The following ABHD6 variants were observed in gnomAD, a reference collection of about 807,000 sequenced individuals.
ABHD6 encodes monoacylglycerol lipase ABHD6.
In ABHD6, 33 loss-of-function variants were observed where a neutral mutation model predicts 38.8. The observed-to-expected ratio is 0.85, with a 90% confidence interval of 0.64 to 1.14. ABHD6 has a LOEUF of 1.14. ABHD6 is among the 50% of genes most tolerant of loss of function. ABHD6 has a pLI of 0.00. For missense variants in ABHD6, 380 were observed against 422.6 expected, an observed-to-expected ratio of 0.90 and a Z score of 0.88; for synonymous variants, 147 against 161.6, an observed-to-expected ratio of 0.91 and a Z score of 0.69.
At position 58,257,139 on chromosome 3, in the gene ABHD6, C is replaced by T. The variant is rs902431685; in HGVS notation, c.119+434C>T. 1.3e-5 allele frequency among the ~76,000 whole-genome samples: 2 copies of T among 152,142 alleles called. No individual in the cohort carries two copies. Among genetic ancestry groups the T allele is most frequent in the African/African-American group, 4.8e-5 (2 of 41,436 alleles). On this transcript the variant is annotated intron_variant, in intron 3 of 9. Coordinates refer to ENST00000478253, the MANE Select transcript of ABHD6 (RefSeq NM_001320126.2). The surrounding 1 kb of genome is among the most constrained non-coding windows in gnomAD (Gnocchi z 4.8). ...GCCAGGCTGGTCTCCAACTCCTGGC[C>T]TCAAGTGATCTTCCCATCTTGCCTC...
At chr3:58,286,843 T>C (rs1490911181) in intron 9 of ABHD6, among the ~76,000 whole-genome samples, 2 of 100,654 alleles carry the variant, frequency 2.0e-5, no homozygotes, top group Admixed American at 1.0e-4. Context: ...TGTGTGTGTG[T>C]GTGTGTGTGT....
intron 9 of ABHD6, among the ~76,000 whole-genome samples, chr3:58,290,040 G>A (rs1473563444): frequency 1.5e-5 from 2 of 135,512 alleles, no homozygotes; most frequent in Non-Finnish European, 1.6e-5. Context: ...CGGGCGGGGG[G>A]CTGACATCCC....
At chr3:58,268,214 A>C (rs555712299) in intron 4 of ABHD6, among the ~76,000 whole-genome samples, 34 of 152,372 alleles carry the variant, frequency 2.2e-4, no homozygotes, top group African/African-American at 7.9e-4. Context: ...GGCTTCTGAC[A>C]CAGCTGCATC....
rs376865397 is a variant in ABHD6, at chr3:58,293,636, C to T, written c.885C>T (p.Asn295=). The T allele has an allele frequency of 6.8e-5, 109 of 1,614,092 alleles. No individual in the cohort carries two copies. Among genetic ancestry groups the T allele is most frequent in the Non-Finnish European group, 9.2e-5 (108 of 1,180,052 alleles). The stretch of plus-strand genomic sequence containing the variant: ...ACATGTTGGCCAAGTCAATTGCCAA[C>T]TGCCAGGTGGAGCTTCTGGAAAACT... ...GADMLAKSIA[N]CQVELLENCG... is the part of the protein sequence containing the mutation. The change falls in exon 10 of 10, where the codon AAC becomes AAT. Residue 295 remains asparagine (N), a synonymous_variant. Transcript: ENST00000478253. This position sits in a 1 kb window ranked among gnomAD's most constrained non-coding sequence, Gnocchi z 4.4.
At chr3:58,260,220 C>CTTT (rs2097436059) in intron 3 of ABHD6, among the ~76,000 whole-genome samples, 1 of 152,188 alleles carries the variant, frequency 6.6e-6, no homozygotes. Flanking sequence ...TTCAGAGCCT[C>CTTT]TTTAATTGGC....
At chr3:58,281,416 A>G (rs2097453149) in intron 7 of ABHD6, among the ~76,000 whole-genome samples, 2 of 152,074 alleles carry the variant, frequency 1.3e-5, no homozygotes, top group African/African-American at 4.8e-5. Context: ...CACGGGAGAG[A>G]ATCTTCTTGT....
Position 58,293,317 on chromosome 3 carries a change from C to T in ABHD6, c.838-272C>T, listed in dbSNP as rs1202821451. Among the ~76,000 whole-genome samples the T allele has an allele frequency of 1.3e-5, 2 of 152,208 alleles. No homozygotes were observed. The highest frequency in any genetic ancestry group is 2.9e-5 in the Non-Finnish European group (2 of 68,042). On this transcript the variant is annotated intron_variant, in intron 9 of 9. Coordinates refer to ENST00000478253, the MANE Select transcript of ABHD6 (RefSeq NM_001320126.2). This position sits in a 1 kb window ranked among gnomAD's most constrained non-coding sequence, Gnocchi z 4.4. Reference sequence around the variant, plus strand: ...TCTGACTTCCCCACCATACCATAACCTCCTCAAGGGCAAGGAACGTTTGTT... The same window carrying T: ...TCTGACTTCCCCACCATACCATAACTTCCTCAAGGGCAAGGAACGTTTGTT...
intron 1 of ABHD6, among the ~76,000 whole-genome samples, chr3:58,243,655 AAGC>A (rs2097424360): frequency 6.6e-6 from 1 of 151,742 alleles, no homozygotes; most frequent in Non-Finnish European, 1.5e-5. Context: ...TGTGGATGGG[AAGC>A]AGAAGTTTTC....
intron 1 of ABHD6, among the ~76,000 whole-genome samples, chr3:58,245,216 G>T (rs2097425477): frequency 6.6e-6 from 1 of 152,184 alleles, no homozygotes; most frequent in Non-Finnish European, 1.5e-5. Context: ...CCAGGCTGGA[G>T]TGCAATGGCT....
In ABHD6 at chr3:58,294,030, G is replaced by A. The variant is rs1295042136; in HGVS notation, c.*265G>A. ...ATGAAATCTACCATGAAGTCTTCAA[G>A]TTCATGTCACTGAGAAGCTTGTGCA... On this transcript the variant is annotated 3_prime_UTR_variant, in exon 10 of 10. Coordinates refer to ENST00000478253, the MANE Select transcript of ABHD6 (RefSeq NM_001320126.2). The A allele has an allele frequency of 8.8e-6, 3 of 342,150 alleles. No individual in the cohort carries two copies. Among genetic ancestry groups the A allele is most frequent in the Non-Finnish European group, 1.1e-5 (2 of 190,040 alleles). The allele number at this position is 342,150 out of a possible 1,614,324, so 21.2% of individuals were successfully genotyped here. A position where few individuals can be genotyped will look rare whatever the true frequency, so the allele number is the denominator to read the frequency against.
intron 6 of ABHD6, among the ~76,000 whole-genome samples, chr3:58,271,757 CCT>C (rs1241002876): frequency 4.9e-4 from 67 of 136,210 alleles, no homozygotes; most frequent in African/African-American, 1.5e-3. Flanking sequence ...TCTATCTCCC[CCT>C]CTCTCTGTTT....
chr3:58,292,978 A>G (rs2097464318), intron 9 of ABHD6, among the ~76,000 whole-genome samples: 4 of 152,264 alleles, frequency 2.6e-5, no homozygotes, highest in South Asian at 4.1e-4. Context: ...TCCTTCCTAC[A>G]GCTTGGGCTG....
chr3:58,240,589 G>T (rs993478234), intron 1 of ABHD6, among the ~76,000 whole-genome samples: 7 of 151,980 alleles, frequency 4.6e-5, no homozygotes, highest in African/African-American at 1.7e-4. Context: ...TTAAGGGACA[G>T]GGTCTCACTC....
chr3:58,270,671 GAA>G (rs2097444211), intron 5 of ABHD6, among the ~76,000 whole-genome samples: 2 of 152,046 alleles, frequency 1.3e-5, no homozygotes, highest in African/African-American at 2.4e-5. Context: ...CAGAAAAAAA[GAA>G]AAGTTTGCTG....
chr3:58,289,875 C>CCA (rs35297776), intron 9 of ABHD6, among the ~76,000 whole-genome samples: 1 of 134,218 alleles, frequency 7.5e-6, no homozygotes, highest in Non-Finnish European at 1.6e-5. Flanking sequence ...CTGACCCCCC[C>CCA]ACCTCCCTCC....
intron 3 of ABHD6, among the ~76,000 whole-genome samples, chr3:58,264,872 C>T (rs2097439837): frequency 6.6e-6 from 1 of 152,106 alleles, no homozygotes; most frequent in Admixed American, 6.6e-5. Context: ...GGGTATCCAT[C>T]CCCTCAAGCA....
intron 7 of ABHD6, among the ~76,000 whole-genome samples, chr3:58,276,966 T>G (rs1056797340): frequency 6.6e-6 from 1 of 152,104 alleles, no homozygotes; most frequent in Non-Finnish European, 1.5e-5. Context: ...CTGTTCCATT[T>G]GTCTATATAT....
chr3:58,285,592 G>T lies in ABHD6; in HGVS notation c.837+139G>T. 1.4e-6 allele frequency: 1 copy of T among 726,126 alleles called. No homozygotes were observed. Among genetic ancestry groups the T allele is most frequent in the Non-Finnish European group, 2.4e-6 (1 of 416,828 alleles). The allele number at this position is 726,126 out of a possible 1,614,324, so 45.0% of individuals were successfully genotyped here. The stretch of plus-strand genomic sequence containing the variant: ...GAAGAGGGGGAAGGCACCTGTGTTG[G>T]GTGCCAGTGTTGACAGTGGGCAGAG... On this transcript the variant is annotated intron_variant, in intron 9 of 9. Transcript: ENST00000478253. This position sits in a 1 kb window ranked among gnomAD's most constrained non-coding sequence, Gnocchi z 4.9.
intron 1 of ABHD6, among the ~76,000 whole-genome samples, chr3:58,241,855 C>T (rs1268255447): frequency 1.3e-5 from 2 of 152,212 alleles, no homozygotes; most frequent in Non-Finnish European, 2.9e-5. Flanking sequence ...GAACAGTTTC[C>T]TTGCATCATC....
Sources: allele counts gnomAD v4.1 joint callset (sites outside exome capture counted in the v4.1 genomes callset), GRCh38; gene constraint gnomAD v4.1.1; non-coding constraint Gnocchi (gnomAD v3.1); transcripts MANE v1.5; gene names NCBI Gene and HGNC (gene_info 2026-07-23, HGNC 2026-07-21).